The following ZNF609 variants were observed in gnomAD, a reference collection of about 807,000 sequenced individuals.
The protein encoded by ZNF609 is zinc finger protein 609.
In ZNF609, 11 loss-of-function variants were observed where a neutral mutation model predicts 109.5. The observed-to-expected ratio is 0.10, with a 90% CI of 0.06 to 0.17. ZNF609 has a LOEUF of 0.17. Ranked by LOEUF, ZNF609 falls within the 10% of genes least tolerant of loss-of-function variation. ZNF609 has a pLI of 1.00. For missense variants in ZNF609, 1,559 were observed against 1,772.4 expected (o/e 0.88, Z 2.16); for synonymous variants, 646 against 662.0 (o/e 0.98, Z 0.37).
chr15:64,674,232 A>C lies in ZNF609; in HGVS notation c.1378A>C (p.Ser460Arg). The C allele has an allele frequency of 6.2e-7, 1 of 1,614,174 alleles. No individual in the cohort carries two copies. Among genetic ancestry groups the C allele is most frequent in the Non-Finnish European group, 8.5e-7 (1 of 1,180,014 alleles). The change falls in exon 5 of 10, where the codon AGC becomes CGC. Residue 460 changes from serine to arginine, a missense_variant. Coordinates refer to ENST00000326648, the MANE Select transcript of ZNF609 (RefSeq NM_015042.2). ...LNSSSEDSKG[S>R]KRVRTNSMGS... ...TTCTAGCTCAGAGGACTCCAAAGGG[A>C]GCAAGCGTGTCCGTACTAATTCCAT... is the stretch of plus-strand genomic sequence containing the variant.
At chr15:64,500,686 T>G in intron 2 of ZNF609, 2 of 470,968 alleles carry the variant, frequency 4.2e-6, no homozygotes, top group Non-Finnish European at 7.5e-6. Flanking sequence ...TATTGCCGGC[T>G]ACCAAAGAGC....
At chr15:64,606,006 C>T (rs933390463) in intron 2 of ZNF609, among the ~76,000 whole-genome samples, 64 of 149,018 alleles carry the variant, frequency 4.3e-4, no homozygotes, top group African/African-American at 1.5e-3. Flanking sequence ...CCACCCGCCT[C>T]GGCCTCCCAA....
At chr15:64,601,859 C>T (rs1485983907) in intron 2 of ZNF609, among the ~76,000 whole-genome samples, 1 of 152,192 alleles carries the variant, frequency 6.6e-6, no homozygotes, top group Non-Finnish European at 1.5e-5. Flanking sequence ...GCCTTCTAAG[C>T]TTCTTTGCAG....
At chr15:64,517,902 C>A (rs1311188215) in intron 2 of ZNF609, among the ~76,000 whole-genome samples, 1 of 152,026 alleles carries the variant, frequency 6.6e-6, no homozygotes, top group Non-Finnish European at 1.5e-5. Context: ...AACTCAGCCT[C>A]CCAAGTATCT....
intron 2 of ZNF609, among the ~76,000 whole-genome samples, chr15:64,535,600 T>G (rs560004873): frequency 9.9e-5 from 15 of 152,132 alleles, no homozygotes; most frequent in African/African-American, 1.9e-4. Flanking sequence ...ATACAGTTTT[T>G]TGTGTGTGTG....
At chr15:64,621,353 C>CT (rs111586542) in intron 2 of ZNF609, among the ~76,000 whole-genome samples, 4,798 of 143,278 alleles carry the variant, frequency 0.033, 220 homozygotes, top group African/African-American at 0.1. Flanking sequence ...TCATTTCATT[C>CT]TTTTTTTTTT....
Position 64,674,563 on chromosome 15 carries a change from G to A in ZNF609, c.1709G>A (p.Arg570Gln), listed in dbSNP as rs774366281. ...GCCCGCTCAGCTACCCCCAAAGTTC[G>A]ACTTGTAGAGCCCCATAGCCCTTCT... The part of the protein sequence containing the change: ...SPARSATPKV[R>Q]LVEPHSPSPS... Residue 570 changes from arginine (R) to glutamine (Q), a missense_variant, in exon 5 of 10, where the codon CGA becomes CAA. Transcript: ENST00000326648. The A allele has an allele frequency of 2.5e-6, 4 of 1,613,888 alleles. No homozygotes were observed. Among genetic ancestry groups the A allele is most frequent in the Middle Eastern group, 1.6e-4 (1 of 6,084 alleles).
chr15:64,619,452 T>C (rs1035036887), intron 2 of ZNF609, among the ~76,000 whole-genome samples: 4 of 152,244 alleles, frequency 2.6e-5, no homozygotes, highest in African/African-American at 7.2e-5. Context: ...TGTTAGATTA[T>C]AGATGTGACC....
chr15:64,677,269 C>A (rs1419105513), intron 5 of ZNF609, among the ~76,000 whole-genome samples: 1 of 152,034 alleles, frequency 6.6e-6, no homozygotes, highest in African/African-American at 2.4e-5. Context: ...CACTATGTTG[C>A]CCAGGCTGGT....
chr15:64,587,408 A>T (rs1254140427), intron 2 of ZNF609, among the ~76,000 whole-genome samples: 3 of 152,156 alleles, frequency 2.0e-5, no homozygotes, highest in Non-Finnish European at 4.4e-5. Flanking sequence ...GTAGGGCTTC[A>T]GTACATTTTT....
chr15:64,666,894 C>A (rs550631197), intron 3 of ZNF609, among the ~76,000 whole-genome samples: 92 of 151,778 alleles, frequency 6.1e-4, no homozygotes, highest in African/African-American at 2.2e-3. Context: ...TTGGGGAGGC[C>A]GAGGCGGGCG....
At chr15:64,477,844 G>C (rs987368152) in intron 1 of ZNF609, among the ~76,000 whole-genome samples, 5 of 151,988 alleles carry the variant, frequency 3.3e-5, no homozygotes, top group African/African-American at 1.2e-4. Context: ...GGCCAGGCTG[G>C]TCTTGGAACT....
At chr15:64,542,976 A>C (rs1271589222) in intron 2 of ZNF609, among the ~76,000 whole-genome samples, 1 of 151,850 alleles carries the variant, frequency 6.6e-6, no homozygotes, top group Non-Finnish European at 1.5e-5. Flanking sequence ...GGAACATCAC[A>C]CACTGGGGCC....
At chr15:64,666,282 T>C (rs1169204119) in intron 3 of ZNF609, among the ~76,000 whole-genome samples, 1 of 151,652 alleles carries the variant, frequency 6.6e-6, no homozygotes, top group Non-Finnish European at 1.5e-5. Flanking sequence ...TAATCCCAGC[T>C]ACTTGGGAGG....
intron 3 of ZNF609, among the ~76,000 whole-genome samples, chr15:64,667,399 G>T (rs1157465538): frequency 6.6e-6 from 1 of 152,152 alleles, no homozygotes; most frequent in African/African-American, 2.4e-5. Flanking sequence ...TTATTGTCTT[G>T]ATATATTCCA....
At chr15:64,607,825 TTCTTTCTTTC>T (rs1895630683) in intron 2 of ZNF609, among the ~76,000 whole-genome samples, 1 of 9,340 alleles carries the variant, frequency 1.1e-4, no homozygotes, top group South Asian at 3.1e-3. Flanking sequence ...TCTTCTTTCT[TTCTTTCTTTC>T]TTTCTTTCTT....
rs143428239 is a variant in ZNF609 at position 64,485,083 on chromosome 15, TAAAC to T, written c.-127-14206_-127-14203del. Among the ~76,000 whole-genome samples, 1,298 of 152,268 alleles carry T rather than the reference TAAAC, an allele frequency of 8.5e-3. 9 individuals carry two copies. Among genetic ancestry groups the T allele is most frequent in the Admixed American group, 0.012 (191 of 15,288 alleles). On this transcript the variant is annotated intron_variant, in intron 1 of 9. Transcript: ENST00000326648. ...CATTAGGAAGAGAATCAGTACCAAATAAACAAAGATAAAAATAAACTTCCATCTG... is the reference window on the plus strand; with the variant it reads ...CATTAGGAAGAGAATCAGTACCAAATAAAGATAAAAATAAACTTCCATCTG...
chr15:64,580,955 CTTTTTTTTTTT>C lies in ZNF609; in HGVS notation c.748-41854_748-41844del, dbSNP rs57690590. 3.5e-3 allele frequency among the ~76,000 whole-genome samples: 208 copies of C among 58,752 alleles called. 8 individuals are homozygous for C. Among genetic ancestry groups the C allele is most frequent in the African/African-American group, 3.0e-3 (38 of 12,810 alleles). The allele number at this position is 58,752 out of a possible 152,430, so 38.5% of individuals were successfully genotyped here. A position where few individuals can be genotyped will look rare whatever the true frequency, so the allele number is the denominator to read the frequency against. ...TCTGTTTTCTAGTCTTCAATGTCTTCTTTTTTTTTTTTTTTTTTTTTTTTTTTTGAGACAGT... is the reference window on the plus strand; with the variant it reads ...TCTGTTTTCTAGTCTTCAATGTCTTCTTTTTTTTTTTTTTTTTGAGACAGT... On this transcript the variant is annotated intron_variant, in intron 2 of 9. Coordinates refer to ENST00000326648, the MANE Select transcript of ZNF609 (RefSeq NM_015042.2).
intron 3 of ZNF609, among the ~76,000 whole-genome samples, chr15:64,623,366 T>A (rs1433285342): frequency 6.6e-6 from 1 of 152,156 alleles, no homozygotes; most frequent in African/African-American, 2.4e-5. Flanking sequence ...GATTATAAAT[T>A]AAATTTGAGG....
Sources: gnomAD v4.1 joint callset for allele counts (sites outside exome capture counted in the v4.1 genomes callset) on GRCh38, gnomAD v4.1.1 for gene constraint, MANE v1.5 for transcripts, NCBI Gene and HGNC (gene_info 2026-07-23, HGNC 2026-07-21) for gene names.